Variants in SP4 observed in about 807,000 individuals in gnomAD.
SP4 encodes the protein Sp4 transcription factor.
Under a neutral mutation model 72.8 loss-of-function variants are expected in SP4, and 19 were observed. The observed-to-expected ratio is 0.26, with a 90% CI of 0.18 to 0.38. The LOEUF is 0.38. Among genes scored for constraint, SP4 ranks in the 10% least tolerant of loss-of-function variants. SP4 has a pLI of 1.00. For synonymous variants in SP4, 395 were observed against 333.1 expected, an observed-to-expected ratio of 1.19 and a Z score of -2.02; for missense variants, 1,008 against 926.3, an observed-to-expected ratio of 1.09 and a Z score of -1.14.
Position 21,487,920 on chromosome 7 carries a change from G to A in SP4, c.2107+5797G>A, listed in dbSNP as rs375390672. Among the ~76,000 whole-genome samples, 166 of 152,112 alleles carry A rather than the reference G, an allele frequency of 1.1e-3. 1 individual carries two copies. Among genetic ancestry groups the A allele is most frequent in the African/African-American group, 3.9e-3 (161 of 41,494 alleles). ...TCTGTCACCAGGCTGGAGTTCACTGGCACGATCACAGCTCACTGCAACCTC... is the reference window on the plus strand; with the variant it reads ...TCTGTCACCAGGCTGGAGTTCACTGACACGATCACAGCTCACTGCAACCTC... On this transcript the variant is annotated intron_variant, in intron 5 of 5. Transcript: ENST00000222584.
intron 5 of SP4, among the ~76,000 whole-genome samples, chr7:21,493,673 A>G (rs753330262): frequency 4.0e-5 from 6 of 151,110 alleles, no homozygotes; most frequent in Non-Finnish European, 8.8e-5. Flanking sequence ...ATGCTCCTAT[A>G]TCTGTTAAAG....
chr7:21,429,258 C>T (rs761377306), intron 2 of SP4, 31 bp from the exon 3 acceptor site: 5 of 1,304,306 alleles, frequency 3.8e-6, no homozygotes, highest in African/African-American at 3.0e-5. Flanking sequence ...TTTTCCCCCC[C>T]CCCTCTCCTT....
In SP4 at chr7:21,439,158, G is replaced by C. The variant is rs148151709; in HGVS notation, c.1678+8315G>C. ...GCTCTTTAACCATAGTTGTGTTTCT[G>C]ATACTGTCACTTTAGTGTGAACAAT... On this transcript the variant is annotated intron_variant, in intron 3 of 5. Coordinates refer to ENST00000222584, the MANE Select transcript of SP4 (RefSeq NM_003112.5). Among the ~76,000 whole-genome samples, 610 of 152,256 alleles carry C rather than the reference G, an allele frequency of 4.0e-3. 1 individual carries two copies. The highest frequency in any genetic ancestry group is 6.7e-3 in the Non-Finnish European group (457 of 68,034).
intron 3 of SP4, among the ~76,000 whole-genome samples, chr7:21,467,856 A>G (rs1784216308): frequency 6.6e-6 from 1 of 152,108 alleles, no homozygotes; most frequent in African/African-American, 2.4e-5. Context: ...CTGATCAGTT[A>G]TATTAGAAAA....
intron 3 of SP4, among the ~76,000 whole-genome samples, chr7:21,466,251 T>A (rs552071679): frequency 1.3e-5 from 2 of 152,334 alleles, no homozygotes; most frequent in African/African-American, 4.8e-5. Flanking sequence ...AGTAGAAGTT[T>A]GCTGTATGAA....
chr7:21,445,264 T>C (rs895554571), intron 3 of SP4, among the ~76,000 whole-genome samples: 1 of 152,184 alleles, frequency 6.6e-6, no homozygotes, highest in African/African-American at 2.4e-5. Context: ...ATATACCTTG[T>C]AAGGCTTAAA....
At position 21,430,380 on chromosome 7, in the gene SP4, G is replaced by A. The variant is rs201024815; in HGVS notation, c.1215G>A (p.Gln405=). Reference sequence around the variant, plus strand: ...AAATTGTAGGCCAACCTATCTTACAGCAGATCCAGATCCAACAGCCTCAGC... The same window carrying A: ...AAATTGTAGGCCAACCTATCTTACAACAGATCCAGATCCAACAGCCTCAGC... ...QVQIVGQPIL[Q]QIQIQQPQQQ... Residue 405 remains glutamine (Q), a synonymous_variant, in exon 3 of 6, where the codon CAG becomes CAA. Coordinates refer to ENST00000222584, the MANE Select transcript of SP4 (RefSeq NM_003112.5). The A allele has an allele frequency of 8.1e-6, 13 of 1,614,086 alleles. No individual in the cohort carries two copies. In the African/African-American group the frequency reaches 1.5e-4, roughly 18 times the overall value.
At chr7:21,472,020 GA>G (rs1784359728) in intron 3 of SP4, among the ~76,000 whole-genome samples, 1 of 152,116 alleles carries the variant, frequency 6.6e-6, no homozygotes, top group Admixed American at 6.6e-5. Context: ...TGGTGAAAAA[GA>G]GCTATATTAG....
chr7:21,451,732 A>G (rs928592068), intron 3 of SP4, among the ~76,000 whole-genome samples: 1 of 152,154 alleles, frequency 6.6e-6, no homozygotes, highest in Non-Finnish European at 1.5e-5. Flanking sequence ...ACTGAGGATC[A>G]TCTGGAGCTG....
chr7:21,428,339 C>T (rs1782693932), intron 1 of SP4, 81 bp downstream of exon 1: 4 of 742,438 alleles, frequency 5.4e-6, no homozygotes, highest in African/African-American at 1.7e-5. Context: ...GGTTCTCCCC[C>T]CTCCCCCGGG....
chr7:21,500,981 C>T (rs1781849114), intron 5 of SP4, among the ~76,000 whole-genome samples: 1 of 152,054 alleles, frequency 6.6e-6, no homozygotes, highest in South Asian at 2.1e-4. Flanking sequence ...CAAGATGGGG[C>T]GTATGGTAGG....
At chr7:21,470,127 T>C (rs17144483) in intron 3 of SP4, among the ~76,000 whole-genome samples, 15,233 of 152,232 alleles carry the variant, frequency 0.1, 1,253 homozygotes, top group East Asian at 0.37. Flanking sequence ...TAGCTGTCAT[T>C]TAGCAGCCCT....
At position 21,467,464 on chromosome 7, in the gene SP4, A is replaced by C. The variant is rs565347454; in HGVS notation, c.1679-9615A>C. On this transcript the variant is annotated intron_variant, in intron 3 of 5. Transcript: ENST00000222584. The stretch of plus-strand genomic sequence containing the variant: ...GCTATCACCACAATCTAGTTTTAGA[A>C]CATTTATATGACCTCATAAAGAAAC... 8.4e-4 allele frequency among the ~76,000 whole-genome samples: 128 copies of C among 152,284 alleles called. 1 individual carries two copies. The highest frequency in any genetic ancestry group is 3.0e-3 in the African/African-American group (124 of 41,556).
rs533183581 is a variant in SP4 at position 21,483,791 on chromosome 7, A to AT, written c.2107+1677dup. Among the ~76,000 whole-genome samples, 911 of 149,264 alleles carry AT rather than the reference A, an allele frequency of 6.1e-3. 5 individuals carry two copies. Among genetic ancestry groups the AT allele is most frequent in the Admixed American group, 9.5e-3 (142 of 14,960 alleles). On this transcript the variant is annotated intron_variant, in intron 5 of 5. Coordinates refer to ENST00000222584, the MANE Select transcript of SP4 (RefSeq NM_003112.5). ...TTTGGGCAATTTTCCTTCTTTCTTT[A>AT]TTTTTTTTTCTTTTTTTGCCCAGAA...
At chr7:21,491,036 G>A (rs1261921414) in intron 5 of SP4, among the ~76,000 whole-genome samples, 1 of 152,122 alleles carries the variant, frequency 6.6e-6, no homozygotes, top group African/African-American at 2.4e-5. Context: ...CATACTATGA[G>A]CCACGTAAAG....
rs1782174890 is a variant in SP4 at position 21,512,499 on chromosome 7, G to A, written c.*1230G>A. 4 of 151,036 alleles carry A rather than the reference G, an allele frequency of 2.6e-5. No homozygotes were observed. In the South Asian group the frequency reaches 8.4e-4, roughly 32 times the overall value. The allele number at this position is 151,036 out of a possible 1,614,324, so 9.4% of individuals were successfully genotyped here. On this transcript the variant is annotated 3_prime_UTR_variant, in exon 6 of 6. Transcript: ENST00000222584. The stretch of plus-strand genomic sequence containing the variant: ...TTGAAAAGGCAGAATAATTTTCAGT[G>A]AAGTAAGTGACTAAAGAAAAAAACT...
At chr7:21,438,294 G>T (rs1783116525) in intron 3 of SP4, among the ~76,000 whole-genome samples, 1 of 152,032 alleles carries the variant, frequency 6.6e-6, no homozygotes, top group South Asian at 2.1e-4. Flanking sequence ...TTCGTTCTGG[G>T]TACTTCCATC....
chr7:21,474,330 C>G (rs1784431666), intron 3 of SP4, among the ~76,000 whole-genome samples: 1 of 152,188 alleles, frequency 6.6e-6, no homozygotes, highest in Non-Finnish European at 1.5e-5. Flanking sequence ...ATACCTGTGT[C>G]TTCAGGGGAT....
intron 5 of SP4, among the ~76,000 whole-genome samples, chr7:21,483,200 C>G (rs573501354): frequency 2.0e-5 from 3 of 151,794 alleles, no homozygotes; most frequent in African/African-American, 7.2e-5. Context: ...GATTAAGCAC[C>G]TTTCATATGT....
Sources: allele counts gnomAD v4.1 joint callset (sites outside exome capture counted in the v4.1 genomes callset), GRCh38; gene constraint gnomAD v4.1.1; transcripts MANE v1.5; gene names NCBI Gene and HGNC (gene_info 2026-07-23, HGNC 2026-07-21).